Variants in PRPH2 observed in about 807,000 individuals in gnomAD.
PRPH2 encodes peripherin-2.
In PRPH2, 17 loss-of-function variants were observed where a neutral mutation model predicts 31.3. The ratio of observed to expected loss-of-function variants is 0.54; its 90% CI spans 0.37 to 0.81. The LOEUF is 0.81. Among genes scored for constraint, PRPH2 ranks in the 40% least tolerant of loss-of-function variants. PRPH2 has a pLI of 0.00. For synonymous variants in PRPH2, 165 were observed against 184.4 expected (o/e 0.89, Z 0.85); for missense variants, 430 against 439.7 (o/e 0.98, Z 0.20).
Position 42,711,877 on chromosome 6 carries a change from G to T in PRPH2, c.582-7266C>A, listed in dbSNP as rs1440046307. On this transcript the variant is annotated intron_variant, in intron 1 of 2. Coordinates refer to ENST00000230381, the MANE Select transcript of PRPH2 (RefSeq NM_000322.5). ...GGCTGGTAGTTCCTGGTTCCAAAAT[G>T]TCTGAGCTCCCGCATGTTCTACCTC... The T allele has an allele frequency of 5.1e-6, 5 of 985,246 alleles. No homozygotes were observed. The African/African-American group carries it at 7.0e-5, about 14-fold the overall frequency. The allele number at this position is 985,246 out of a possible 1,614,324, so 61.0% of individuals were successfully genotyped here.
intron 1 of PRPH2, among the ~76,000 whole-genome samples, chr6:42,710,155 C>G (rs1010005993): frequency 1.2e-4 from 18 of 151,872 alleles, no homozygotes; most frequent in Non-Finnish European, 7.4e-5. Flanking sequence ...GGCTGTGTCT[C>G]CCCCTCAGAC....
chr6:42,720,404 C>A (rs1054934010), intron 1 of PRPH2, among the ~76,000 whole-genome samples: 1 of 152,054 alleles, frequency 6.6e-6, no homozygotes, highest in South Asian at 2.1e-4. Context: ...TGGCTTCATG[C>A]CCTCCTCGGG....
intron 1 of PRPH2, among the ~76,000 whole-genome samples, chr6:42,705,826 G>T (rs1217738520): frequency 1.3e-5 from 2 of 150,384 alleles, no homozygotes; most frequent in African/African-American, 4.9e-5. Context: ...GGGCGTGGTG[G>T]CACGCGCCTG....
chr6:42,713,224 CAAA>C (rs113027921), intron 1 of PRPH2, among the ~76,000 whole-genome samples: 1 of 139,502 alleles, frequency 7.2e-6, no homozygotes, highest in Admixed American at 7.2e-5. Flanking sequence ...AACTCCATCT[CAAA>C]AAAAAAAAAA....
At chr6:42,704,684 G>T (rs1328628418) in intron 1 of PRPH2, 73 bp from the exon 2 acceptor site, 5 of 1,603,270 alleles carry the variant, frequency 3.1e-6, no homozygotes, top group African/African-American at 2.7e-5. Flanking sequence ...CCCAACCCCT[G>T]CCTCTGGAAA....
At chr6:42,704,749 C>A in intron 1 of PRPH2, 138 bp from the exon 2 acceptor site, 1 of 1,316,848 alleles carries the variant, frequency 7.6e-7, no homozygotes, top group Non-Finnish European at 1.1e-6. Context: ...GCGCCCGCTA[C>A]GTGCCAGTCA....
chr6:42,712,427 A>T (rs1005108142), intron 1 of PRPH2, among the ~76,000 whole-genome samples: 2 of 152,238 alleles, frequency 1.3e-5, no homozygotes, highest in Admixed American at 1.3e-4. Context: ...GCAAAAAACA[A>T]CTAAAGCCTC....
chr6:42,704,647 C>T (rs1190402315), intron 1 of PRPH2, 36 bp from the exon 2 acceptor site: 1 of 1,613,976 alleles, frequency 6.2e-7, no homozygotes. Flanking sequence ...ATGGGCTTCC[C>T]GGGCTTCTCA....
In PRPH2 at chr6:42,697,095, AT is replaced by A. The variant is rs1293990459; in HGVS notation, c.*1199del. On this transcript the variant is annotated 3_prime_UTR_variant, in exon 3 of 3. Transcript: ENST00000230381. ...CTTGAATGTTCATCCAACTGGAGGA[AT>A]TATGCTGGGCCCTGCCTTGGTCTGG... 5.9e-5 allele frequency: 9 copies of A among 152,032 alleles called. No homozygotes were observed. The highest frequency in any genetic ancestry group is 2.2e-4 in the African/African-American group (9 of 41,396). The allele number at this position is 152,032 out of a possible 1,614,324, so 9.4% of individuals were successfully genotyped here. A position where few individuals can be genotyped will look rare whatever the true frequency, so the allele number is the denominator to read the frequency against.
At chr6:42,720,618 AATGTTGTTTTGGGCTTCAAAC>A (rs1291120695) in intron 1 of PRPH2, among the ~76,000 whole-genome samples, 4 of 152,186 alleles carry the variant, frequency 2.6e-5, no homozygotes, top group Non-Finnish European at 4.4e-5. Flanking sequence ...GGGCGTCATT[AATGTTGTTTTGGGCTTCAAAC>A]ATGTCCTGCT....
At chr6:42,713,956 A>G in intron 1 of PRPH2, among the ~76,000 whole-genome samples, 1 of 151,136 alleles carries the variant, frequency 6.6e-6, no homozygotes, top group Admixed American at 6.6e-5. Context: ...AAGACAGGGA[A>G]AGACAGGGAG....
In PRPH2 at chr6:42,698,323, T is replaced by TGCGC. The variant is rs767883031; in HGVS notation, c.1012_1013insGCGC (p.Asp338GlyfsTer55). 15 of 1,613,794 alleles carry TGCGC rather than the reference T, an allele frequency of 9.3e-6. No individual in the cohort carries two copies. The highest frequency in any genetic ancestry group is 5.3e-5 in the African/African-American group (4 of 74,846). ...GCCAGCCTCTGGGGCCTGGCCTGCG[T>TGCGC]CTGCGCCCTCGGCTTCCACCTGGTT... On this transcript the variant is annotated frameshift_variant, in exon 3 of 3. Coordinates refer to ENST00000230381, the MANE Select transcript of PRPH2 (RefSeq NM_000322.5). LOFTEE classifies it high-confidence loss of function.
rs184881422 is a variant in PRPH2 at position 42,703,503 on chromosome 6, G to C, written c.828+862C>G. Among the ~76,000 whole-genome samples the C allele has an allele frequency of 8.2e-4, 124 of 152,000 alleles. 1 individual carries two copies. In the East Asian group the frequency reaches 0.013, roughly 16 times the overall value. The stretch of plus-strand genomic sequence containing the variant: ...GTGCTGTCACCCCATATAACAGAGA[G>C]GTTAAATGACTAAGACCTCGGTACC... On this transcript the variant is annotated intron_variant, in intron 2 of 2. Coordinates refer to ENST00000230381, the MANE Select transcript of PRPH2 (RefSeq NM_000322.5).
At position 42,704,554 on chromosome 6, in the gene PRPH2, G is replaced by GCAGCTGAAAGGGACGCCGTC; in HGVS notation, c.619_638dup (p.Cys213TrpfsTer50). On this transcript the variant is annotated frameshift_variant, in exon 2 of 3. Transcript: ENST00000230381. LOFTEE classifies it high-confidence loss of function. ...AGGGCCGTGGCGAGCTAGGATTGCA[G>GCAGCTGAAAGGGACGCCGTC]CAGCTGAAAGGGACGCCGTCCACCA... 6.2e-7 allele frequency: 1 copy of GCAGCTGAAAGGGACGCCGTC among 1,614,214 alleles called. No individual in the cohort carries two copies. The highest frequency in any genetic ancestry group is 8.5e-7 in the Non-Finnish European group (1 of 1,180,036).
chr6:42,715,938 T>C (rs986476911), intron 1 of PRPH2, among the ~76,000 whole-genome samples: 1 of 152,254 alleles, frequency 6.6e-6, no homozygotes, highest in East Asian at 1.9e-4. Context: ...CAGCTCCTCC[T>C]CTCAGGAACT....
At chr6:42,709,947 T>C (rs1027812806) in intron 1 of PRPH2, among the ~76,000 whole-genome samples, 1 of 152,112 alleles carries the variant, frequency 6.6e-6, no homozygotes, top group Non-Finnish European at 1.5e-5. Context: ...TCATGCACAC[T>C]AAGGTGTCTG....
intron 1 of PRPH2, among the ~76,000 whole-genome samples, chr6:42,713,846 G>A (rs1158731975): frequency 2.0e-5 from 3 of 150,166 alleles, no homozygotes; most frequent in Non-Finnish European, 3.0e-5. Flanking sequence ...CTTGAACCCG[G>A]GAGGCGAAGG....
intron 2 of PRPH2, among the ~76,000 whole-genome samples, chr6:42,701,375 G>A (rs530257071): frequency 2.0e-5 from 3 of 152,074 alleles, no homozygotes; most frequent in South Asian, 2.1e-4. Flanking sequence ...CCCCCGCCTC[G>A]GCCTCCCAAA....
At chr6:42,705,599 A>AAAAAATAT (rs1562424252) in intron 1 of PRPH2, among the ~76,000 whole-genome samples, 2 of 21,578 alleles carry the variant, frequency 9.3e-5, no homozygotes, top group Admixed American at 6.4e-4. Flanking sequence ...AAAAAAAAAA[A>AAAAAATAT]ATATATATAT....
Sources: allele counts gnomAD v4.1 joint callset (sites outside exome capture counted in the v4.1 genomes callset), GRCh38; gene constraint gnomAD v4.1.1; transcripts MANE v1.5; gene names NCBI Gene and HGNC (gene_info 2026-07-23, HGNC 2026-07-21).